Variants in MYBL2 observed in about 807,000 individuals in gnomAD.
MYBL2 encodes the protein myb-related protein B.
A neutral mutation model predicts 79.9 loss-of-function variants in MYBL2; 28 were observed. That is an observed-to-expected ratio of 0.35 (90% confidence interval 0.26 to 0.48). MYBL2 has a LOEUF of 0.48. Among genes scored for constraint, MYBL2 ranks in the 20% least tolerant of loss-of-function variants. The pLI is 0.99. For synonymous variants in MYBL2, 378 were observed against 361.2 expected (o/e 1.05, Z -0.53); for missense variants, 735 against 893.9 (o/e 0.82, Z 2.27).
At chr20:43,689,080 C>T (rs931333023) in intron 5 of MYBL2, among the ~76,000 whole-genome samples, 4 of 152,170 alleles carry the variant, frequency 2.6e-5, no homozygotes, top group African/African-American at 4.8e-5. Context: ...TGTGAGCCAC[C>T]GCACCTGGCC....
At chr20:43,710,676 C>G (rs1156720290) in intron 10 of MYBL2, among the ~76,000 whole-genome samples, 1 of 152,160 alleles carries the variant, frequency 6.6e-6, no homozygotes, top group Non-Finnish European at 1.5e-5. Context: ...CAGCGGGTCC[C>G]CCTGCTGTCT....
intron 6 of MYBL2, among the ~76,000 whole-genome samples, chr20:43,693,028 T>TA (rs1334212704): frequency 6.6e-6 from 1 of 152,170 alleles, no homozygotes; most frequent in East Asian, 1.9e-4. Flanking sequence ...CCTATAGTAT[T>TA]ACATTTGCAG....
chr20:43,700,162 T>C (rs1469079863), intron 7 of MYBL2, 118 bp downstream of exon 7: 3 of 1,368,714 alleles, frequency 2.2e-6, no homozygotes, highest in South Asian at 1.4e-5. Flanking sequence ...ACTGACTTGA[T>C]GCTGAATGCC....
chr20:43,682,735 C>T, intron 3 of MYBL2, 59 bp from the exon 4 acceptor site: 3 of 1,556,336 alleles, frequency 1.9e-6, no homozygotes, highest in Non-Finnish European at 2.7e-6. Context: ...TAACCAGGCC[C>T]CCAGCCCGAG....
At chr20:43,681,618 T>C (rs1164148241) in intron 2 of MYBL2, among the ~76,000 whole-genome samples, 166 bp from the exon 3 acceptor site, 1 of 152,204 alleles carries the variant, frequency 6.6e-6, no homozygotes, top group Non-Finnish European at 1.5e-5. Flanking sequence ...GGGGCAGCTC[T>C]TTTGCTGCCT....
rs557809576 is a variant in MYBL2, at chr20:43,697,532, AC to A, written c.664-2223del. Among the ~76,000 whole-genome samples, 30 of 151,978 alleles carry A rather than the reference AC, an allele frequency of 2.0e-4. No individual in the cohort carries two copies. The East Asian group carries it at 2.3e-3, about 12-fold the overall frequency. On this transcript the variant is annotated intron_variant, in intron 6 of 13. Coordinates refer to ENST00000217026, the MANE Select transcript of MYBL2 (RefSeq NM_002466.4). ...AGGCTGAGGCATGAGAATCACCTGA[AC>A]CTGGGAGGTGGAGGTTGCAGTGAGC...
chr20:43,708,534 G>T (rs1248563822), intron 9 of MYBL2, among the ~76,000 whole-genome samples: 2 of 152,076 alleles, frequency 1.3e-5, no homozygotes, highest in Non-Finnish European at 2.9e-5. Context: ...CTGGGCTCAA[G>T]TGGTCCTCCT....
chr20:43,708,339 A>G (rs1987834776), intron 9 of MYBL2, among the ~76,000 whole-genome samples: 1 of 151,986 alleles, frequency 6.6e-6, no homozygotes, highest in African/African-American at 2.4e-5. Context: ...GACTCAAGCA[A>G]TCCTTCCGCC....
chr20:43,667,460 C>T (rs995520706), intron 1 of MYBL2, among the ~76,000 whole-genome samples, 157 bp downstream of exon 1: 2 of 152,130 alleles, frequency 1.3e-5, no homozygotes, highest in Non-Finnish European at 2.9e-5. Context: ...GTCCTGGGCC[C>T]TCTGAGGCAG....
At chr20:43,702,935 G>C (rs1244677566) in intron 8 of MYBL2, 32 bp downstream of exon 8, 1 of 1,560,852 alleles carries the variant, frequency 6.4e-7, no homozygotes, top group East Asian at 2.3e-5. Context: ...TGCTTATTGG[G>C]TCGGTACAGA....
At chr20:43,686,598 G>T (rs943580880) in intron 4 of MYBL2, among the ~76,000 whole-genome samples, 32 of 152,124 alleles carry the variant, frequency 2.1e-4, no homozygotes, top group African/African-American at 7.7e-4. Context: ...CTCTAGAAAG[G>T]GTCTCTGGTA....
At chr20:43,699,080 C>T (rs538042240) in intron 6 of MYBL2, among the ~76,000 whole-genome samples, 1 of 151,918 alleles carries the variant, frequency 6.6e-6, no homozygotes, top group African/African-American at 2.4e-5. Flanking sequence ...CTCTTGTTAC[C>T]TAGGCTGTAG....
intron 1 of MYBL2, among the ~76,000 whole-genome samples, chr20:43,671,931 C>T (rs748173311): frequency 2.0e-5 from 3 of 151,290 alleles, no homozygotes; most frequent in Non-Finnish European, 2.9e-5. Flanking sequence ...TACACTGGGC[C>T]GGGCGCGGTG....
chr20:43,684,212 C>T (rs1987213055), intron 4 of MYBL2, among the ~76,000 whole-genome samples: 1 of 151,720 alleles, frequency 6.6e-6, no homozygotes, highest in Non-Finnish European at 1.5e-5. Context: ...TAGGTATGAG[C>T]CACCATTCCT....
intron 6 of MYBL2, among the ~76,000 whole-genome samples, chr20:43,698,249 G>C (rs191428536): frequency 1.5e-4 from 23 of 151,254 alleles, no homozygotes; most frequent in Non-Finnish European, 2.7e-4. Context: ...TATAGAGATG[G>C]GGTTTGCCCA....
chr20:43,702,363 A>T, intron 7 of MYBL2, 127 bp from the exon 8 acceptor site: 1 of 1,059,534 alleles, frequency 9.4e-7, no homozygotes. Context: ...GAGGAAATGC[A>T]TGAAATATTA....
At chr20:43,701,510 G>A (rs187908073) in intron 7 of MYBL2, among the ~76,000 whole-genome samples, 1 of 152,226 alleles carries the variant, frequency 6.6e-6, no homozygotes, top group Non-Finnish European at 1.5e-5. Flanking sequence ...ATTGGGTAAA[G>A]GAGGGAAAAC....
At chr20:43,674,809 G>C (rs1986966705) in intron 2 of MYBL2, among the ~76,000 whole-genome samples, 1 of 152,134 alleles carries the variant, frequency 6.6e-6, no homozygotes, top group African/African-American at 2.4e-5. Context: ...TGGGATTACA[G>C]GCATGAGTAA....
At chr20:43,698,009 G>T (rs1987584880) in intron 6 of MYBL2, among the ~76,000 whole-genome samples, 1 of 148,738 alleles carries the variant, frequency 6.7e-6, no homozygotes, top group Admixed American at 6.7e-5. Flanking sequence ...ATTAATGAGG[G>T]TGAGTAACAA....
Sources: gnomAD v4.1 joint callset for allele counts (sites outside exome capture counted in the v4.1 genomes callset) on GRCh38, gnomAD v4.1.1 for gene constraint, MANE v1.5 for transcripts, NCBI Gene and HGNC (gene_info 2026-07-23, HGNC 2026-07-21) for gene names.